The following RASGRF2 variants were observed in gnomAD, a reference collection of about 807,000 sequenced individuals.
The protein encoded by RASGRF2 is Ras protein specific guanine nucleotide releasing factor 2.
Under a neutral mutation model 151.0 loss-of-function variants are expected in RASGRF2, and 76 were observed. That is an observed-to-expected ratio of 0.50 (90% CI 0.42 to 0.61). The LOEUF (loss-of-function observed/expected upper bound fraction) is 0.61. Ranked by LOEUF, RASGRF2 falls within the 20% of genes least tolerant of loss-of-function variation. The probability of loss-of-function intolerance (pLI) is 0.00; values close to 1 mark genes in which losing one functional copy is unlikely to be tolerated. For synonymous variants in RASGRF2, 504 were observed against 566.5 expected, an observed-to-expected ratio of 0.89 and a Z score of 1.57; for missense variants, 1,148 against 1,564.6, an observed-to-expected ratio of 0.73 and a Z score of 4.49.
chr5:81,122,759 C>A lies in RASGRF2; in HGVS notation c.2471-883C>A, dbSNP rs1048096208. On this transcript the variant is annotated intron_variant, in intron 15 of 26. Coordinates refer to ENST00000265080, the MANE Select transcript of RASGRF2 (RefSeq NM_006909.3). Reference sequence around the variant, plus strand: ...TTTGTGGTATTTTTCTCTGAAAGAACATACACAAAGTTGTAGTCTTACCTG... The same window carrying A: ...TTTGTGGTATTTTTCTCTGAAAGAAAATACACAAAGTTGTAGTCTTACCTG... Among the ~76,000 whole-genome samples, 6 of 152,160 alleles carry A rather than the reference C, an allele frequency of 3.9e-5. 1 individual carries two copies. The highest frequency in any genetic ancestry group is 1.4e-4 in the African/African-American group (6 of 41,432).
At chr5:81,179,050 C>T (rs1043903513) in intron 17 of RASGRF2, among the ~76,000 whole-genome samples, 2 of 152,150 alleles carry the variant, frequency 1.3e-5, no homozygotes, top group African/African-American at 4.8e-5. Context: ...ACAACTCTTT[C>T]AAGAGGTTTG....
intron 7 of RASGRF2, among the ~76,000 whole-genome samples, chr5:81,085,008 T>G (rs1752189065): frequency 6.6e-6 from 1 of 152,220 alleles, no homozygotes; most frequent in African/African-American, 2.4e-5. Flanking sequence ...TTTAGTTCTC[T>G]ATCTATAAAA....
At chr5:81,003,296 C>A (rs1380841945) in intron 1 of RASGRF2, among the ~76,000 whole-genome samples, 2 of 148,802 alleles carry the variant, frequency 1.3e-5, no homozygotes, top group Non-Finnish European at 3.0e-5. Flanking sequence ...GATCTCGGCT[C>A]ACTGCAAGCT....
intron 1 of RASGRF2, among the ~76,000 whole-genome samples, chr5:81,040,618 A>G (rs1561572505): frequency 6.6e-6 from 1 of 152,234 alleles, no homozygotes; most frequent in Non-Finnish European, 1.5e-5. Context: ...TGCCCTGCAC[A>G]GGGCCAAGAC....
At chr5:81,086,587 T>G (rs1384385223) in intron 8 of RASGRF2, among the ~76,000 whole-genome samples, 1 of 152,192 alleles carries the variant, frequency 6.6e-6, no homozygotes, top group Non-Finnish European at 1.5e-5. Flanking sequence ...CTGTTGCACT[T>G]AGAAGCAGAC....
intron 1 of RASGRF2, among the ~76,000 whole-genome samples, chr5:81,041,630 T>C (rs1221544840): frequency 1.3e-5 from 2 of 152,206 alleles, no homozygotes; most frequent in East Asian, 1.9e-4. Context: ...TAAACTAGCA[T>C]GAGTTTGGGA....
chr5:81,141,739 T>C (rs1753890233), intron 17 of RASGRF2, among the ~76,000 whole-genome samples: 1 of 152,192 alleles, frequency 6.6e-6, no homozygotes. Flanking sequence ...GTTTGGGGAC[T>C]CCAGAGAGAT....
At chr5:81,009,417 G>C (rs1202663377) in intron 1 of RASGRF2, among the ~76,000 whole-genome samples, 1 of 152,136 alleles carries the variant, frequency 6.6e-6, no homozygotes, top group Non-Finnish European at 1.5e-5. Context: ...CCACTCAGTC[G>C]CTAAAATTGT....
chr5:80,969,187 G>C (rs1357766251), intron 1 of RASGRF2, among the ~76,000 whole-genome samples: 2 of 145,196 alleles, frequency 1.4e-5, no homozygotes, highest in African/African-American at 5.1e-5. Context: ...CTGGAGTGCA[G>C]TGGCGCCATC....
intron 1 of RASGRF2, chr5:80,998,042 A>G (rs1034768493): frequency 6.6e-6 from 1 of 152,192 alleles, no homozygotes; most frequent in Non-Finnish European, 1.5e-5. Flanking sequence ...CATCTTTAAA[A>G]TAGGAAGATG....
intron 18 of RASGRF2, among the ~76,000 whole-genome samples, chr5:81,200,960 G>A (rs991379518): frequency 2.0e-5 from 3 of 152,128 alleles, no homozygotes; most frequent in Non-Finnish European, 2.9e-5. Context: ...TGTTGGGGGC[G>A]TGGTACGTGT....
At position 80,960,844 on chromosome 5, in the gene RASGRF2, G is replaced by C. The variant is rs148129112; in HGVS notation, c.106G>C (p.Ala36Pro). Residue 36 changes from alanine (A) to proline (P), a missense_variant, in exon 1 of 27, where the codon GCG (alanine) becomes CCG (proline). Ala to Pro is a conservative substitution (Grantham distance 27, BLOSUM62 -1). Coordinates refer to ENST00000265080, the MANE Select transcript of RASGRF2 (RefSeq NM_006909.3). This position sits in a 1 kb window ranked among gnomAD's most constrained non-coding sequence, Gnocchi z 5.5. ...RGFLSKKTAE[A>P]SRWHEKWFAL... ...CTTCCTGAGTAAGAAGACGGCCGAG[G>C]CGAGCCGCTGGCACGAGAAGTGGTT... is the stretch of plus-strand genomic sequence containing the variant. 48 of 1,613,666 alleles carry C rather than the reference G, an allele frequency of 3.0e-5. No homozygotes were observed. The African/African-American group carries it at 5.7e-4, about 19-fold the overall frequency.
At chr5:81,190,488 T>C (rs1392951839) in intron 18 of RASGRF2, among the ~76,000 whole-genome samples, 2 of 152,214 alleles carry the variant, frequency 1.3e-5, no homozygotes, top group African/African-American at 2.4e-5. Flanking sequence ...ATTGGCAAAA[T>C]TATCTGTGTG....
At chr5:81,103,621 G>A (rs1752763325) in intron 12 of RASGRF2, among the ~76,000 whole-genome samples, 1 of 152,066 alleles carries the variant, frequency 6.6e-6, no homozygotes, top group African/African-American at 2.4e-5. Flanking sequence ...ATTCCAAGCT[G>A]CATAAACTCA....
chr5:81,144,611 A>G (rs1162303995), intron 17 of RASGRF2, among the ~76,000 whole-genome samples: 1 of 152,240 alleles, frequency 6.6e-6, no homozygotes, highest in Non-Finnish European at 1.5e-5. Context: ...CCAGATGGGC[A>G]TTTCTGTATA....
intron 1 of RASGRF2, among the ~76,000 whole-genome samples, chr5:81,037,832 C>G (rs1750552517): frequency 6.6e-6 from 1 of 152,180 alleles, no homozygotes; most frequent in African/African-American, 2.4e-5. Context: ...CTTGAAACCT[C>G]TTGCTATCCT....
chr5:81,080,060 AT>A, intron 5 of RASGRF2, 60 bp from the exon 6 acceptor site: 3 of 1,548,652 alleles, frequency 1.9e-6, no homozygotes, highest in Non-Finnish European at 2.6e-6. Flanking sequence ...AGGACTCTGG[AT>A]TTTAAACAAA....
chr5:81,092,039 G>A (rs59626246), intron 9 of RASGRF2, among the ~76,000 whole-genome samples: 2,172 of 152,212 alleles, frequency 0.014, 47 homozygotes, highest in African/African-American at 0.044. Context: ...TATTTTTGGG[G>A]TAGGGGGAGG....
At chr5:81,200,287 AAAGAAG>A (rs746163248) in intron 18 of RASGRF2, among the ~76,000 whole-genome samples, 1 of 152,012 alleles carries the variant, frequency 6.6e-6, no homozygotes, top group Admixed American at 6.5e-5. Flanking sequence ...AAAAAAAAAA[AAAGAAG>A]AAGAATAGTT....
Sources: gnomAD v4.1 joint callset for allele counts (sites outside exome capture counted in the v4.1 genomes callset) on GRCh38, gnomAD v4.1.1 for gene constraint, Gnocchi (gnomAD v3.1) non-coding constraint, MANE v1.5 for transcripts, NCBI Gene and HGNC (gene_info 2026-07-23, HGNC 2026-07-21) for gene names.